The following DNAH9 variants were observed in gnomAD, a reference collection of about 807,000 sequenced individuals.
The protein encoded by DNAH9 is dynein axonemal heavy chain 9, also known as DNAH9 variant protein.
DNAH9 carries 345 observed loss-of-function variants against 471.6 expected under a neutral mutation model. That is an observed-to-expected ratio of 0.73 (90% CI 0.67 to 0.80). The LOEUF (loss-of-function observed/expected upper bound fraction) is 0.80. DNAH9 is among the 30% of genes least tolerant of loss of function. The pLI is 0.00. For missense variants in DNAH9, 5,407 were observed against 5,609.2 expected (o/e 0.96, Z 1.15); for synonymous variants, 2,093 against 2,123.6 (o/e 0.99, Z 0.40).
chr17:11,946,330 T>C (rs557884863), intron 67 of DNAH9, among the ~76,000 whole-genome samples: 1 of 150,750 alleles, frequency 6.6e-6, no homozygotes, highest in African/African-American at 2.4e-5. Context: ...CACTGAAGCA[T>C]AGACAAAAAG....
Position 11,688,550 on chromosome 17 carries a change from A to G in DNAH9, c.3744-1016A>G, listed in dbSNP as rs140448334. 4.2e-3 allele frequency among the ~76,000 whole-genome samples: 643 copies of G among 152,358 alleles called. 5 individuals carry two copies. The highest frequency in any genetic ancestry group is 0.014 in the African/African-American group (599 of 41,582). The stretch of plus-strand genomic sequence containing the variant: ...CATGAAGTGCTGTTGCCTGAAGCTG[A>G]TGCAGGCACCAGTGTGAGCTTCACC... On this transcript the variant is annotated intron_variant, in intron 19 of 68. Coordinates refer to ENST00000262442, the MANE Select transcript of DNAH9 (RefSeq NM_001372.4).
intron 43 of DNAH9, among the ~76,000 whole-genome samples, chr17:11,799,300 AAGTAGTT>A (rs111740609): frequency 0.063 from 9,549 of 152,154 alleles, 402 homozygotes; most frequent in African/African-American, 0.1. Context: ...ACTTCCCCAG[AAGTAGTT>A]ATCCGTTATC....
intron 2 of DNAH9, 143 bp downstream of exon 2, chr17:11,608,468 G>A (rs1260088469): frequency 1.0e-5 from 7 of 668,584 alleles, no homozygotes; most frequent in South Asian, 6.1e-5. Context: ...TCTGTTTGCC[G>A]ACACCCTCAG....
intron 41 of DNAH9, among the ~76,000 whole-genome samples, chr17:11,786,068 A>G (rs1474468184): frequency 7.5e-6 from 1 of 133,928 alleles, no homozygotes; most frequent in South Asian, 2.7e-4. Context: ...GGGTGTTACT[A>G]GGTGGATTTT....
intron 35 of DNAH9, among the ~76,000 whole-genome samples, chr17:11,762,778 T>TG (rs796830222): frequency 0.059 from 5,739 of 98,060 alleles, 636 homozygotes; most frequent in African/African-American, 0.18. Context: ...TTGTTTTTTT[T>TG]TTTTTTTTTT....
chr17:11,912,091 C>G (rs1973810686), intron 61 of DNAH9, among the ~76,000 whole-genome samples: 1 of 152,186 alleles, frequency 6.6e-6, no homozygotes, highest in African/African-American at 2.4e-5. Flanking sequence ...GATCTCAGCT[C>G]ACTGCAACCT....
chr17:11,908,223 A>T (rs1973672442), intron 61 of DNAH9, among the ~76,000 whole-genome samples: 1 of 152,216 alleles, frequency 6.6e-6, no homozygotes, highest in Non-Finnish European at 1.5e-5. Flanking sequence ...AAAAAAATCC[A>T]TGTGTAAGTG....
chr17:11,894,018 G>A (rs943356371), intron 58 of DNAH9, among the ~76,000 whole-genome samples: 1 of 152,092 alleles, frequency 6.6e-6, no homozygotes, highest in Non-Finnish European at 1.5e-5. Context: ...ATATCCATAC[G>A]TCATTTTGAC....
intron 59 of DNAH9, among the ~76,000 whole-genome samples, chr17:11,901,504 C>T (rs193159084): frequency 2.6e-5 from 4 of 152,014 alleles, no homozygotes; most frequent in East Asian, 1.9e-4. Context: ...AAGACCAGCC[C>T]GACCAATATG....
At chr17:11,750,795 C>CTTTA (rs1406669938) in intron 32 of DNAH9, among the ~76,000 whole-genome samples, 8 of 152,064 alleles carry the variant, frequency 5.3e-5, no homozygotes, top group Non-Finnish European at 8.8e-5. Context: ...TTTAAACTCA[C>CTTTA]TTTATTATAA....
chr17:11,694,276 G>A (rs553194411), intron 21 of DNAH9, 45 bp from the exon 22 acceptor site: 1 of 1,608,932 alleles, frequency 6.2e-7, no homozygotes, highest in East Asian at 2.2e-5. Context: ...GTATCCATGG[G>A]TCTAGACATT....
In DNAH9 at chr17:11,964,682, A is replaced by T. The variant is rs537068611; in HGVS notation, c.13233+2426A>T. On this transcript the variant is annotated intron_variant, in intron 68 of 68. Coordinates refer to ENST00000262442, the MANE Select transcript of DNAH9 (RefSeq NM_001372.4). ...TACTCAAGCAAAACAGCTGAATCTC[A>T]GTAGGAAGAACAGTCTATGGCCTTT... 3.3e-5 allele frequency among the ~76,000 whole-genome samples: 5 copies of T among 152,332 alleles called. No individual in the cohort carries two copies. In the East Asian group the frequency reaches 9.7e-4, roughly 29 times the overall value.
chr17:11,880,118 G>A lies in DNAH9; in HGVS notation c.10519G>A (p.Val3507Met). The stretch of plus-strand genomic sequence containing the variant: ...AGAGCAGGCCCTGGAAGCTGGAGCT[G>A]TGGTGCTGATTGAAAATCTAGAGGA... ...IIEQALEAGA[V>M]VLIENLEESI... Residue 3507 changes from valine (V) to methionine (M), a missense_variant, in exon 54 of 69, where the codon GTG (valine) becomes ATG (methionine). Transcript: ENST00000262442. 6 of 1,614,062 alleles carry A rather than the reference G, an allele frequency of 3.7e-6. No homozygotes were observed. The highest frequency in any genetic ancestry group is 5.1e-6 in the Non-Finnish European group (6 of 1,179,954).
intron 2 of DNAH9, among the ~76,000 whole-genome samples, chr17:11,609,477 A>C (rs1268154123): frequency 6.6e-6 from 1 of 152,136 alleles, no homozygotes; most frequent in Non-Finnish European, 1.5e-5. Flanking sequence ...TTCCCAAAAG[A>C]CTGGATCATT....
chr17:11,942,431 T>C lies in DNAH9; in HGVS notation c.12789T>C (p.Asn4263=), dbSNP rs1248867401. Residue 4263 remains asparagine, a synonymous_variant, in exon 67 of 69, where the codon AAT becomes AAC. Coordinates refer to ENST00000262442, the MANE Select transcript of DNAH9 (RefSeq NM_001372.4). The part of the protein sequence containing the change: ...VVAFQECGRM[N]ILTREIQRSL... ...CCTTCCAGGAGTGTGGCCGGATGAA[T>C]ATCCTCACCAGAGAGATTCAGCGCT... 12 of 1,614,048 alleles carry C rather than the reference T, an allele frequency of 7.4e-6. No homozygotes were observed. Among genetic ancestry groups the C allele is most frequent in the African/African-American group, 1.3e-5 (1 of 74,918 alleles).
chr17:11,753,000 C>T, intron 33 of DNAH9, 40 bp downstream of exon 33: 1 of 1,484,648 alleles, frequency 6.7e-7, no homozygotes, highest in Non-Finnish European at 9.0e-7. Context: ...TTTCTAATCA[C>T]CTGTGAAACC....
chr17:11,658,631 G>A (rs1032715663), intron 14 of DNAH9, among the ~76,000 whole-genome samples: 1 of 151,908 alleles, frequency 6.6e-6, no homozygotes, highest in Admixed American at 6.6e-5. Flanking sequence ...TTTAGCTGTA[G>A]GGTTTCATGG....
At chr17:11,817,647 T>A (rs531597830) in intron 45 of DNAH9, among the ~76,000 whole-genome samples, 62 of 152,330 alleles carry the variant, frequency 4.1e-4, no homozygotes, top group African/African-American at 1.4e-3. Context: ...TTCCATTAAA[T>A]ATTATTATTT....
chr17:11,622,742 C>T (rs948529100), intron 6 of DNAH9, among the ~76,000 whole-genome samples: 4 of 152,146 alleles, frequency 2.6e-5, no homozygotes, highest in African/African-American at 7.2e-5. Flanking sequence ...GCCTCCCTAG[C>T]GTCATTACTC....
Sources: allele counts gnomAD v4.1 joint callset (sites outside exome capture counted in the v4.1 genomes callset), GRCh38; gene constraint gnomAD v4.1.1; transcripts MANE v1.5; gene names NCBI Gene and HGNC (gene_info 2026-07-23, HGNC 2026-07-21).